The following XKR6 variants were observed in gnomAD, a reference collection of about 807,000 sequenced individuals.
The protein encoded by XKR6 is XK-related protein 6.
In XKR6, 22 loss-of-function variants were observed where a neutral mutation model predicts 56.7. The ratio of observed to expected loss-of-function variants is 0.39; its 90% CI spans 0.28 to 0.55. XKR6 has a LOEUF of 0.55. XKR6 is among the 20% of genes least tolerant of loss of function. XKR6 has a pLI of 0.66. For synonymous variants in XKR6, 524 were observed against 387.8 expected (o/e 1.35, Z -4.13); for missense variants, 852 against 889.0 (o/e 0.96, Z 0.53).
intron 2 of XKR6, among the ~76,000 whole-genome samples, chr8:10,910,011 C>A (rs982023445): frequency 2.0e-5 from 3 of 151,948 alleles, no homozygotes; most frequent in Admixed American, 6.6e-5. Context: ...CAGTTTACAA[C>A]ACCCAGAATC....
chr8:10,999,633 A>C (rs1283676716), intron 1 of XKR6, among the ~76,000 whole-genome samples: 1 of 152,254 alleles, frequency 6.6e-6, no homozygotes, highest in African/African-American at 2.4e-5. Flanking sequence ...TAGAACCAAA[A>C]TAAAAGTTCT....
At chr8:11,109,447 T>A (rs774743677) in intron 1 of XKR6, 1 of 152,194 alleles carries the variant, frequency 6.6e-6, no homozygotes, top group Middle Eastern at 3.2e-3. Context: ...AGGAAATGTA[T>A]CGATACTTCC....
At chr8:11,094,832 T>C (rs1256892186) in intron 1 of XKR6, among the ~76,000 whole-genome samples, 2 of 152,104 alleles carry the variant, frequency 1.3e-5, no homozygotes, top group African/African-American at 4.8e-5. Flanking sequence ...ACCTTCCCTC[T>C]CCTCTCCTGC....
At chr8:10,946,394 C>A (rs116662965) in intron 1 of XKR6, among the ~76,000 whole-genome samples, 1 of 152,122 alleles carries the variant, frequency 6.6e-6, no homozygotes, top group African/African-American at 2.4e-5. Context: ...GGGCAGTGAA[C>A]GTGCTTGTAC....
intron 1 of XKR6, among the ~76,000 whole-genome samples, chr8:11,079,595 G>A (rs533404426): frequency 6.6e-6 from 1 of 152,340 alleles, no homozygotes; most frequent in South Asian, 2.1e-4. Flanking sequence ...GGGCAAGGAA[G>A]AAAGAATATT....
chr8:11,131,519 T>C (rs1326769635), intron 1 of XKR6, among the ~76,000 whole-genome samples: 3 of 152,206 alleles, frequency 2.0e-5, no homozygotes, highest in Non-Finnish European at 4.4e-5. Flanking sequence ...TATTTCTGTA[T>C]GGCTTAAAAG....
At chr8:10,963,186 T>C (rs184368583) in intron 1 of XKR6, among the ~76,000 whole-genome samples, 1,945 of 152,290 alleles carry the variant, frequency 0.013, 150 homozygotes, top group Admixed American at 0.12. Context: ...GCTGGCCTTC[T>C]CCACCACAAA....
chr8:11,168,806 G>T (rs1802216888), intron 1 of XKR6, among the ~76,000 whole-genome samples: 2 of 152,164 alleles, frequency 1.3e-5, no homozygotes, highest in Admixed American at 6.5e-5. Context: ...CAAACATCCA[G>T]CCCACTCAGA....
At chr8:11,080,709 A>G (rs181963016) in intron 1 of XKR6, among the ~76,000 whole-genome samples, 2 of 152,370 alleles carry the variant, frequency 1.3e-5, no homozygotes, top group African/African-American at 4.8e-5. Context: ...AGGAGGAGCC[A>G]GGTGGTCCAC....
chr8:11,024,667 G>T (rs545642821), intron 1 of XKR6, among the ~76,000 whole-genome samples: 1 of 152,188 alleles, frequency 6.6e-6, no homozygotes. Flanking sequence ...AGGCAACCTT[G>T]CTCCCACATT....
Position 10,969,018 on chromosome 8 carries a change from G to C in XKR6, c.765-44188C>G, listed in dbSNP as rs575859923. Among the ~76,000 whole-genome samples the C allele has an allele frequency of 2.0e-5, 3 of 152,314 alleles. No individual in the cohort carries two copies. In the South Asian group the frequency reaches 6.2e-4, roughly 32 times the overall value. ...AAAGGGCAAAATAAGAACTAAAATT[G>C]TCAGAAATTTCCTTAGGAAACTGGA... On this transcript the variant is annotated intron_variant, in intron 1 of 2. Transcript: ENST00000416569.
At chr8:11,009,770 C>G (rs1479838258) in intron 1 of XKR6, among the ~76,000 whole-genome samples, 1 of 152,166 alleles carries the variant, frequency 6.6e-6, no homozygotes, top group African/African-American at 2.4e-5. Flanking sequence ...CTAAGGAAAT[C>G]TGAATAAAGC....
intron 1 of XKR6, among the ~76,000 whole-genome samples, chr8:11,082,774 GC>G (rs1257995297): frequency 6.6e-6 from 1 of 152,152 alleles, no homozygotes; most frequent in African/African-American, 2.4e-5. Context: ...GGGCCTTTGG[GC>G]CGTCCTCGAA....
chr8:11,102,730 A>G (rs1798531140), intron 1 of XKR6, among the ~76,000 whole-genome samples: 1 of 152,212 alleles, frequency 6.6e-6, no homozygotes, highest in African/African-American at 2.4e-5. Context: ...GAGGAGGGAC[A>G]GAGCTGACAT....
chr8:11,013,549 T>A (rs1798547425), intron 1 of XKR6, among the ~76,000 whole-genome samples: 1 of 152,200 alleles, frequency 6.6e-6, no homozygotes, highest in Non-Finnish European at 1.5e-5. Context: ...CAGCAATTTG[T>A]TGCCACAAAT....
intron 1 of XKR6, among the ~76,000 whole-genome samples, chr8:11,076,288 G>A (rs1221724583): frequency 6.6e-6 from 1 of 152,224 alleles, no homozygotes; most frequent in East Asian, 1.9e-4. Context: ...AAGTTCTGGA[G>A]TGGATGGTGG....
intron 1 of XKR6, among the ~76,000 whole-genome samples, chr8:10,942,119 C>A (rs986856914): frequency 6.6e-6 from 1 of 152,156 alleles, no homozygotes; most frequent in Non-Finnish European, 1.5e-5. Context: ...CACATACACA[C>A]AACCGCACCC....
chr8:10,995,193 T>C (rs1798081792), intron 1 of XKR6, among the ~76,000 whole-genome samples: 1 of 151,910 alleles, frequency 6.6e-6, no homozygotes, highest in Non-Finnish European at 1.5e-5. Flanking sequence ...AGGCAGGAGA[T>C]AGGAAAAATC....
At chr8:10,967,195 C>T (rs1210687856) in intron 1 of XKR6, among the ~76,000 whole-genome samples, 1 of 152,212 alleles carries the variant, frequency 6.6e-6, no homozygotes, top group East Asian at 1.9e-4. Context: ...GAAAAGCATT[C>T]ATCTTCTCTG....
Sources: allele counts gnomAD v4.1 joint callset (sites outside exome capture counted in the v4.1 genomes callset), GRCh38; gene constraint gnomAD v4.1.1; transcripts MANE v1.5; gene names NCBI Gene and HGNC (gene_info 2026-07-23, HGNC 2026-07-21).